Variants in PTPRD observed in about 807,000 individuals in gnomAD.
The protein encoded by PTPRD is protein tyrosine phosphatase receptor type D.
PTPRD carries 34 observed loss-of-function variants against 214.5 expected under a neutral mutation model. The observed-to-expected ratio is 0.16, with a 90% CI of 0.12 to 0.21. The LOEUF is 0.21. Ranked by LOEUF, PTPRD falls within the 10% of genes least tolerant of loss-of-function variation. The pLI is 1.00. For missense variants in PTPRD, 2,545 were observed against 2,398.7 expected, an observed-to-expected ratio of 1.06 and a Z score of -1.27; for synonymous variants, 1,128 against 845.7, an observed-to-expected ratio of 1.33 and a Z score of -5.79.
intron 4 of PTPRD, among the ~76,000 whole-genome samples, chr9:9,994,780 G>A (rs781233985): frequency 6.6e-6 from 1 of 151,992 alleles, no homozygotes; most frequent in Non-Finnish European, 1.5e-5. Context: ...TTTAATTTTA[G>A]AAGGCAAACA....
At chr9:8,855,177 T>C (rs2097892888) in intron 11 of PTPRD, among the ~76,000 whole-genome samples, 1 of 151,668 alleles carries the variant, frequency 6.6e-6, no homozygotes, top group African/African-American at 2.4e-5. Flanking sequence ...GCATATGCCA[T>C]ACCAGGATAC....
chr9:10,362,489 T>G (rs2097414041), intron 2 of PTPRD, among the ~76,000 whole-genome samples: 1 of 152,084 alleles, frequency 6.6e-6, no homozygotes, highest in Admixed American at 6.5e-5. Context: ...TTCTAAAAAT[T>G]CAATGTCTAG....
Position 8,504,393 on chromosome 9 carries a change from T to C in PTPRD, c.1690A>G (p.Ile564Val), listed in dbSNP as rs368781521. Residue 564 changes from isoleucine (I) to valine (V), a missense_variant, in exon 23 of 46, where the codon ATT becomes GTT. Coordinates refer to ENST00000381196, the MANE Select transcript of PTPRD (RefSeq NM_002839.4). ...GEHGEEQRIT[I>V]EPGTSYRLQG... ...AGCCTATATGATGTCCCTGGCTCAATGGTAATTCGTTGCTGGAAGCAATAA... is the reference window on the plus strand; with the variant it reads ...AGCCTATATGATGTCCCTGGCTCAACGGTAATTCGTTGCTGGAAGCAATAA... 7 of 1,613,986 alleles carry C rather than the reference T, an allele frequency of 4.3e-6. No individual in the cohort carries two copies. Among genetic ancestry groups the C allele is most frequent in the Non-Finnish European group, 5.9e-6 (7 of 1,180,006 alleles).
At chr9:8,849,381 C>T (rs1207044368) in intron 11 of PTPRD, among the ~76,000 whole-genome samples, 1 of 151,896 alleles carries the variant, frequency 6.6e-6, no homozygotes, top group Non-Finnish European at 1.5e-5. Context: ...CGCCCACCAC[C>T]ACGCCCAGCT....
chr9:8,389,653 A>C (rs2088705178), intron 36 of PTPRD, among the ~76,000 whole-genome samples: 1 of 152,200 alleles, frequency 6.6e-6, no homozygotes, highest in Non-Finnish European at 1.5e-5. Context: ...TAGATGGTCC[A>C]TAGAATGCCT....
intron 11 of PTPRD, among the ~76,000 whole-genome samples, chr9:9,005,238 T>G (rs1318957145): frequency 6.6e-6 from 1 of 152,068 alleles, no homozygotes; most frequent in East Asian, 1.9e-4. Flanking sequence ...CTAGGCATTT[T>G]GAATGATATA....
At chr9:10,516,070 A>C (rs1254114006) in intron 2 of PTPRD, among the ~76,000 whole-genome samples, 1 of 151,892 alleles carries the variant, frequency 6.6e-6, no homozygotes, top group Admixed American at 6.6e-5. Context: ...ATATTTATTG[A>C]AATTATTTTG....
At chr9:8,825,072 T>G (rs910416958) in intron 11 of PTPRD, among the ~76,000 whole-genome samples, 4 of 152,330 alleles carry the variant, frequency 2.6e-5, no homozygotes, top group African/African-American at 9.6e-5. Flanking sequence ...TTTTTAAAGC[T>G]GAGCCCTGCC....
At chr9:8,356,942 A>C (rs1399982366) in intron 39 of PTPRD, among the ~76,000 whole-genome samples, 1 of 152,226 alleles carries the variant, frequency 6.6e-6, no homozygotes, top group African/African-American at 2.4e-5. Flanking sequence ...AAAAGCACTA[A>C]AATATATAGA....
chr9:8,788,271 T>G (rs1298529222), intron 11 of PTPRD, among the ~76,000 whole-genome samples: 2 of 113,428 alleles, frequency 1.8e-5, no homozygotes, highest in African/African-American at 5.9e-5. Context: ...TTTTTTTTTT[T>G]TTTTTTTGTG....
intron 27 of PTPRD, among the ~76,000 whole-genome samples, chr9:8,486,726 T>G (rs572931357): frequency 6.6e-6 from 1 of 152,244 alleles, no homozygotes; most frequent in Non-Finnish European, 1.5e-5. Context: ...TAATGATTAT[T>G]TATTCGTTGA....
At chr9:8,498,423 G>A (rs572893979) in intron 25 of PTPRD, among the ~76,000 whole-genome samples, 14 of 152,024 alleles carry the variant, frequency 9.2e-5, no homozygotes, top group East Asian at 1.9e-4. Flanking sequence ...CCACACAGGC[G>A]TGTGCCGCCA....
intron 11 of PTPRD, among the ~76,000 whole-genome samples, chr9:8,844,745 G>C (rs568241789): frequency 4.6e-5 from 7 of 152,136 alleles, no homozygotes; most frequent in African/African-American, 1.7e-4. Context: ...CTATATGCTA[G>C]GTCACAGGAA....
intron 35 of PTPRD, among the ~76,000 whole-genome samples, chr9:8,412,992 C>T (rs531690356): frequency 4.5e-4 from 68 of 152,160 alleles, no homozygotes; most frequent in South Asian, 4.2e-4. Flanking sequence ...AATTGTTGTG[C>T]GACTGATATT....
At chr9:8,794,014 A>T (rs1380719475) in intron 11 of PTPRD, among the ~76,000 whole-genome samples, 2 of 152,208 alleles carry the variant, frequency 1.3e-5, no homozygotes, top group African/African-American at 4.8e-5. Flanking sequence ...GAGTACTAGG[A>T]AACTAAAGAA....
chr9:9,938,930 G>A (rs2090508785), intron 4 of PTPRD, among the ~76,000 whole-genome samples: 1 of 151,862 alleles, frequency 6.6e-6, no homozygotes, highest in Non-Finnish European at 1.5e-5. Context: ...TTTCCATATA[G>A]TGTCCTTGGA....
intron 10 of PTPRD, among the ~76,000 whole-genome samples, chr9:9,086,093 C>T (rs908576789): frequency 9.2e-5 from 14 of 152,186 alleles, no homozygotes; most frequent in African/African-American, 3.4e-4. Context: ...ACTCACATAA[C>T]TTGGACTTCA....
intron 10 of PTPRD, among the ~76,000 whole-genome samples, chr9:9,153,140 G>T (rs552760403): frequency 6.6e-6 from 1 of 152,186 alleles, no homozygotes; most frequent in Non-Finnish European, 1.5e-5. Context: ...ATGTGAAGGA[G>T]GGAATTAAAC....
At chr9:9,832,598 T>A in intron 5 of PTPRD, among the ~76,000 whole-genome samples, 1 of 151,998 alleles carries the variant, frequency 6.6e-6, no homozygotes, top group East Asian at 1.9e-4. Context: ...AATTTAGGTT[T>A]GGGGGTCTGT....
Sources: allele counts gnomAD v4.1 joint callset (sites outside exome capture counted in the v4.1 genomes callset), GRCh38; gene constraint gnomAD v4.1.1; transcripts MANE v1.5; gene names NCBI Gene and HGNC (gene_info 2026-07-23, HGNC 2026-07-21).